The following GALNT13 variants were observed in gnomAD, a reference collection of about 807,000 sequenced individuals.
GALNT13 encodes the protein UDP-GalNAc:polypeptide N-acetylgalactosaminyltransferase 13.
A neutral mutation model predicts 64.2 loss-of-function variants in GALNT13; 28 were observed. The observed-to-expected ratio is 0.44, with a 90% CI of 0.32 to 0.60. The LOEUF (loss-of-function observed/expected upper bound fraction) is 0.60, where lower values mean the gene tolerates loss of function less well. GALNT13 is among the 20% of genes least tolerant of loss of function. The pLI, the probability that GALNT13 is intolerant of heterozygous loss-of-function variation, is 0.05. For missense variants in GALNT13, 577 were observed against 669.8 expected (o/e 0.86, Z 1.53); for synonymous variants, 214 against 224.6 (o/e 0.95, Z 0.42).
At chr2:153,263,621 A>G in the GALNT13 span, among the ~76,000 whole-genome samples, 13 of 152,294 alleles carry the variant, frequency 8.5e-5, 1 homozygote, top group South Asian at 2.3e-3. Flanking sequence ...GGAACAGAAT[A>G]CAGAACTCAG....
the GALNT13 span, among the ~76,000 whole-genome samples, chr2:153,126,296 G>GTATATATATA: frequency 1.7e-5 from 2 of 118,836 alleles, no homozygotes; most frequent in African/African-American, 3.6e-5. Flanking sequence ...TATTGATTTT[G>GTATATATATA]TATATATATA....
intron 9 of GALNT13, among the ~76,000 whole-genome samples, chr2:154,387,104 C>T (rs1442358157): frequency 6.6e-6 from 1 of 152,088 alleles, no homozygotes; most frequent in Non-Finnish European, 1.5e-5. Flanking sequence ...AATAGTCAAT[C>T]AGCCAGTTAA....
the GALNT13 span, chr2:153,371,053 A>G: frequency 4.8e-6 from 1 of 210,012 alleles, no homozygotes; most frequent in African/African-American, 2.3e-5. Context: ...AGCCAACACA[A>G]TTGGGATTAT....
intron 9 of GALNT13, among the ~76,000 whole-genome samples, chr2:154,337,281 T>C (rs1206980481): frequency 6.6e-6 from 1 of 152,140 alleles, no homozygotes; most frequent in African/African-American, 2.4e-5. Flanking sequence ...GAGTAATATA[T>C]GTTCACTGTA....
the GALNT13 span, among the ~76,000 whole-genome samples, chr2:153,637,747 T>G: frequency 2.0e-4 from 31 of 152,266 alleles, no homozygotes; most frequent in Non-Finnish European, 4.0e-4. Flanking sequence ...TGTGTGGAGT[T>G]TATAGTAGCT....
the GALNT13 span, among the ~76,000 whole-genome samples, chr2:153,276,134 G>A: frequency 6.6e-6 from 1 of 151,918 alleles, no homozygotes; most frequent in Non-Finnish European, 1.5e-5. Flanking sequence ...CTTTTCTTAT[G>A]CATACTATCA....
the GALNT13 span, among the ~76,000 whole-genome samples, chr2:153,285,034 TA>T: frequency 5.2e-3 from 731 of 141,518 alleles, 2 homozygotes; most frequent in African/African-American, 7.4e-3. Flanking sequence ...GTAATTTATT[TA>T]AAAAAAAAAA....
the GALNT13 span, among the ~76,000 whole-genome samples, chr2:153,572,230 ATAG>A: frequency 7.3e-5 from 11 of 151,688 alleles, no homozygotes; most frequent in African/African-American, 2.7e-4. Flanking sequence ...TTGTTGACAT[ATAG>A]TTGCTCATAG....
chr2:154,032,797 A>G (rs1698419347), intron 3 of GALNT13, among the ~76,000 whole-genome samples: 3 of 149,414 alleles, frequency 2.0e-5, no homozygotes, highest in African/African-American at 7.3e-5. Flanking sequence ...CTGGCATCAT[A>G]TTTATTAGTG....
the GALNT13 span, among the ~76,000 whole-genome samples, chr2:153,362,553 C>CAAAAAAA: frequency 7.4e-3 from 592 of 80,244 alleles, 27 homozygotes; most frequent in Middle Eastern, 0.018. Flanking sequence ...AAATGGAGAG[C>CAAAAAAA]AAAAAAAAAA....
At chr2:154,159,907 G>C (rs1330644293) in intron 4 of GALNT13, among the ~76,000 whole-genome samples, 1 of 152,162 alleles carries the variant, frequency 6.6e-6, no homozygotes, top group Non-Finnish European at 1.5e-5. Flanking sequence ...GAGTGCCCTA[G>C]ATGCTAAGTC....
chr2:153,443,651 G>A, the GALNT13 span, among the ~76,000 whole-genome samples: 30 of 152,198 alleles, frequency 2.0e-4, no homozygotes, highest in East Asian at 5.8e-4. Context: ...GGCCAGGTGC[G>A]GTGGCTCACA....
chr2:153,325,760 T>C, the GALNT13 span, among the ~76,000 whole-genome samples: 1 of 152,210 alleles, frequency 6.6e-6, no homozygotes, highest in South Asian at 2.1e-4. Context: ...ATTTACCCCG[T>C]AGTCATTCAG....
chr2:153,911,864 TATG>T (rs1688964030), intron 2 of GALNT13, among the ~76,000 whole-genome samples: 2 of 152,270 alleles, frequency 1.3e-5, no homozygotes, highest in South Asian at 4.1e-4. Flanking sequence ...CCTTGGAGAA[TATG>T]ATGATTATGT....
chr2:154,134,520 G>T (rs1232545388), intron 3 of GALNT13, among the ~76,000 whole-genome samples: 1 of 152,122 alleles, frequency 6.6e-6, no homozygotes, highest in Non-Finnish European at 1.5e-5. Context: ...AATATTAATT[G>T]CATTGCTGTT....
chr2:153,080,043 A>G, the GALNT13 span, among the ~76,000 whole-genome samples: 1 of 152,148 alleles, frequency 6.6e-6, no homozygotes, highest in African/African-American at 2.4e-5. Flanking sequence ...ATTTATTTGC[A>G]AAGAGTTGTT....
chr2:153,252,868 T>C, the GALNT13 span, among the ~76,000 whole-genome samples: 3 of 152,360 alleles, frequency 2.0e-5, no homozygotes, highest in African/African-American at 4.8e-5. Flanking sequence ...TTTTGGTTAC[T>C]GTAGCCTTGT....
chr2:154,305,917 T>TA (rs1166689476), intron 9 of GALNT13, among the ~76,000 whole-genome samples: 1 of 152,146 alleles, frequency 6.6e-6, no homozygotes, highest in Non-Finnish European at 1.5e-5. Context: ...TCATTTTGTT[T>TA]AAAAAAATTT....
At chr2:154,076,899 G>A (rs544628878) in intron 3 of GALNT13, among the ~76,000 whole-genome samples, 11 of 151,624 alleles carry the variant, frequency 7.3e-5, no homozygotes, top group Admixed American at 5.3e-4. Flanking sequence ...TTTCTGAGTT[G>A]GTTTTGCTTC....
Sources: allele counts gnomAD v4.1 joint callset (sites outside exome capture counted in the v4.1 genomes callset), GRCh38; gene constraint gnomAD v4.1.1; transcripts MANE v1.5; gene names NCBI Gene and HGNC (gene_info 2026-07-23, HGNC 2026-07-21).